Variants in CALN1 observed in about 807,000 individuals in gnomAD.
CALN1 encodes the protein calneuron 1.
Under a neutral mutation model 30.6 loss-of-function variants are expected in CALN1, and 17 were observed. The ratio of observed to expected loss-of-function variants is 0.56; its 90% CI spans 0.38 to 0.83. The LOEUF (loss-of-function observed/expected upper bound fraction) is 0.83. Among genes scored for constraint, CALN1 ranks in the 40% least tolerant of loss-of-function variants. The probability of loss-of-function intolerance (pLI) is 0.00; values close to 1 mark genes in which losing one functional copy is unlikely to be tolerated. For synonymous variants in CALN1, 156 were observed against 131.4 expected (o/e 1.19, Z -1.28); for missense variants, 291 against 354.9 (o/e 0.82, Z 1.45).
intron 2 of CALN1, among the ~76,000 whole-genome samples, chr7:72,348,548 C>G (rs1802763238): frequency 6.6e-6 from 1 of 152,142 alleles, no homozygotes; most frequent in African/African-American, 2.4e-5. Flanking sequence ...GAGACAAATC[C>G]CATGCCGCTA....
intron 5 of CALN1, among the ~76,000 whole-genome samples, chr7:71,863,438 G>A (rs1584397273): frequency 6.6e-6 from 1 of 151,184 alleles, no homozygotes; most frequent in Non-Finnish European, 1.5e-5. Flanking sequence ...CATGCCTGTA[G>A]TCCCAGCTAC....
chr7:72,271,575 A>AAAAAAAAAAAAATATATATATATATAT lies in CALN1; in HGVS notation c.244+7110_244+7111insATATATATATATATATTTTTTTTTTTT. Among the ~76,000 whole-genome samples, 49 of 52,082 alleles carry AAAAAAAAAAAAATATATATATATATAT rather than the reference A, an allele frequency of 9.4e-4. 1 individual carries two copies. Among genetic ancestry groups the AAAAAAAAAAAAATATATATATATATAT allele is most frequent in the Middle Eastern group, 0.012 (1 of 82 alleles). 34.2% of individuals were successfully genotyped at this position (52,082 alleles called of 152,430 possible). A position where few individuals can be genotyped will look rare whatever the true frequency, so the allele number is the denominator to read the frequency against. ...CTGTGCCTGCCTTTTAAAAAAAAAA[A>AAAAAAAAAAAAATATATATATATATAT]ATATATATATATATATATAGTTTTC... On this transcript the variant is annotated intron_variant, in intron 3 of 6. Transcript: ENST00000395275.
rs1010414321 is a variant in CALN1, at chr7:71,783,742, T to C, written c.*4033A>G. On this transcript the variant is annotated 3_prime_UTR_variant, in exon 7 of 7. Coordinates refer to ENST00000395275, the MANE Select transcript of CALN1 (RefSeq NM_031468.4). ...AGGCATTTGGAATAAAAGGTAAACT[T>C]TTCTCTCTCAGTTCTGAAACATATC... 6.6e-6 allele frequency: 1 copy of C among 152,640 alleles called. No individual in the cohort carries two copies. Among genetic ancestry groups the C allele is most frequent in the Admixed American group, 6.5e-5 (1 of 15,288 alleles). The allele number at this position is 152,640 out of a possible 1,614,324, so 9.5% of individuals were successfully genotyped here. A position where few individuals can be genotyped will look rare whatever the true frequency, so the allele number is the denominator to read the frequency against.
At chr7:71,935,963 G>A (rs1795807757) in intron 5 of CALN1, among the ~76,000 whole-genome samples, 1 of 152,168 alleles carries the variant, frequency 6.6e-6, no homozygotes, top group African/African-American at 2.4e-5. Context: ...CAAGGAGGGA[G>A]TGTTGACCTG....
At chr7:72,129,315 G>A (rs1430757394) in intron 3 of CALN1, among the ~76,000 whole-genome samples, 1 of 152,174 alleles carries the variant, frequency 6.6e-6, no homozygotes, top group Non-Finnish European at 1.5e-5. Flanking sequence ...GTGCAATTTG[G>A]CAATTTATAC....
chr7:71,834,727 C>T (rs1280575060), intron 5 of CALN1, among the ~76,000 whole-genome samples: 12 of 152,138 alleles, frequency 7.9e-5, no homozygotes, highest in Admixed American at 2.6e-4. Flanking sequence ...AGGTTAGGCC[C>T]GGGGCCCTCT....
intron 2 of CALN1, among the ~76,000 whole-genome samples, chr7:72,322,828 G>A (rs183653666): frequency 5.9e-5 from 9 of 151,618 alleles, no homozygotes; most frequent in South Asian, 2.1e-4. Flanking sequence ...ATAACACAAG[G>A]GATAAACGTT....
intron 2 of CALN1, among the ~76,000 whole-genome samples, chr7:72,335,314 A>C (rs1487170844): frequency 6.6e-6 from 1 of 152,224 alleles, no homozygotes; most frequent in Admixed American, 6.5e-5. Flanking sequence ...CCGAATTGAA[A>C]AATAATTTCC....
At chr7:71,949,258 C>T (rs1018073020) in intron 5 of CALN1, among the ~76,000 whole-genome samples, 8 of 152,060 alleles carry the variant, frequency 5.3e-5, no homozygotes, top group African/African-American at 1.9e-4. Context: ...GGAAACACTT[C>T]AGCTATGACA....
At chr7:72,423,092 G>A (rs1807668753) in intron 1 of CALN1, among the ~76,000 whole-genome samples, 4 of 145,334 alleles carry the variant, frequency 2.8e-5, no homozygotes, top group African/African-American at 7.7e-5. Flanking sequence ...CTGGGCAACA[G>A]AATGAGACTC....
the CALN1 span, among the ~76,000 whole-genome samples, chr7:72,501,129 G>A: frequency 6.6e-6 from 1 of 152,026 alleles, no homozygotes; most frequent in Non-Finnish European, 1.5e-5. Flanking sequence ...TCAGGAGAAT[G>A]GGTAGAAAGA....
intron 2 of CALN1, among the ~76,000 whole-genome samples, chr7:72,280,723 A>C (rs558248923): frequency 6.6e-6 from 1 of 152,336 alleles, no homozygotes; most frequent in African/African-American, 2.4e-5. Context: ...TGTGTGTCAG[A>C]AACTTAATCC....
chr7:72,426,729 AT>A lies in CALN1; in HGVS notation c.-225-14455del, dbSNP rs563919647. On this transcript the variant is annotated intron_variant, in intron 1 of 6. Transcript: ENST00000395276. ...CTGCTGTAACCACTGGGCTGTATTT[AT>A]CCCCCTGAGGAGTGGTCTCTTAGGA... 1.3e-4 allele frequency among the ~76,000 whole-genome samples: 20 copies of A among 152,334 alleles called. No homozygotes were observed. In the East Asian group the frequency reaches 2.5e-3, roughly 19 times the overall value.
rs77047298 is a variant in CALN1, at chr7:71,802,198, G to A, written c.658+8138C>T. 9.2e-3 allele frequency among the ~76,000 whole-genome samples: 1,394 copies of A among 152,174 alleles called. 7 individuals are homozygous for A. Among genetic ancestry groups the A allele is most frequent in the Middle Eastern group, 0.017 (5 of 294 alleles). On this transcript the variant is annotated intron_variant, in intron 6 of 6. Coordinates refer to ENST00000395275, the MANE Select transcript of CALN1 (RefSeq NM_031468.4). ...AATGTGTCATGGGAGCACTTAATAA[G>A]AATCTGGTGACCGGCAAATAGATGA...
At chr7:72,387,391 A>G (rs1308109253) in intron 2 of CALN1, among the ~76,000 whole-genome samples, 1 of 151,902 alleles carries the variant, frequency 6.6e-6, no homozygotes, top group Non-Finnish European at 1.5e-5. Context: ...CTGTTTCTTA[A>G]GTGTAGTCTG....
intron 4 of CALN1, among the ~76,000 whole-genome samples, chr7:72,103,615 G>C (rs1806858011): frequency 6.6e-6 from 1 of 152,156 alleles, no homozygotes; most frequent in Non-Finnish European, 1.5e-5. Flanking sequence ...GTAGAAAACA[G>C]GGTGCTTTTG....
At chr7:72,120,915 G>A (rs1024478260) in intron 3 of CALN1, among the ~76,000 whole-genome samples, 2 of 151,956 alleles carry the variant, frequency 1.3e-5, no homozygotes, top group Non-Finnish European at 2.9e-5. Context: ...TCTGAATCCA[G>A]GTGAGGGGAC....
chr7:72,331,072 G>A (rs60413052), intron 2 of CALN1, among the ~76,000 whole-genome samples: 57,093 of 151,988 alleles, frequency 0.38, 11,585 homozygotes, highest in Admixed American at 0.45. Flanking sequence ...TCTCCTGGCC[G>A]GGCACGGTGG....
chr7:71,972,712 C>T (rs1797908893), intron 5 of CALN1, among the ~76,000 whole-genome samples: 1 of 152,112 alleles, frequency 6.6e-6, no homozygotes, highest in Admixed American at 6.5e-5. Context: ...CAGCTTTCAG[C>T]TTCGTGCGTG....
Sources: allele counts gnomAD v4.1 joint callset (sites outside exome capture counted in the v4.1 genomes callset), GRCh38; gene constraint gnomAD v4.1.1; transcripts MANE v1.5; gene names NCBI Gene and HGNC (gene_info 2026-07-23, HGNC 2026-07-21).